The following REV3L variants were observed in gnomAD, a reference collection of about 807,000 sequenced individuals.
REV3L encodes the protein DNA polymerase zeta catalytic subunit.
REV3L carries 69 observed loss-of-function variants against 299.4 expected under a neutral mutation model. The ratio of observed to expected loss-of-function variants is 0.23; its 90% CI spans 0.19 to 0.28. The LOEUF is 0.28. Ranked by LOEUF, REV3L falls within the 10% of genes least tolerant of loss-of-function variation. REV3L has a pLI of 1.00. For missense variants in REV3L, 3,128 were observed against 3,693.8 expected, an observed-to-expected ratio of 0.85 and a Z score of 3.97; for synonymous variants, 1,238 against 1,271.4, an observed-to-expected ratio of 0.97 and a Z score of 0.56.
At chr6:111,391,688 T>C (rs1249703384) in intron 5 of REV3L, among the ~76,000 whole-genome samples, 2 of 152,212 alleles carry the variant, frequency 1.3e-5, no homozygotes, top group Non-Finnish European at 2.9e-5. Context: ...CAGCTTCGGC[T>C]TGGGAGGCCA....
chr6:111,313,489 C>A lies in REV3L; in HGVS notation c.8467G>T (p.Val2823Leu). The A allele has an allele frequency of 6.3e-7, 1 of 1,596,320 alleles. No homozygotes were observed. The highest frequency in any genetic ancestry group is 1.1e-5 in the South Asian group (1 of 86,960). The change falls in exon 28 of 32, where the codon GTA (valine) becomes TTA (leucine). Residue 2823 changes from valine to leucine, a missense_variant and splice_region_variant. Physicochemically the swap from Val to Leu is conservative, Grantham distance 32. Transcript: ENST00000368802. The part of the protein sequence containing the change: ...PKPVKLKFEK[V>L]YLPCVLQTKK... ...GTTTGTAAAACACAGGGCAAATATA[C>A]CTGTGGTAAAATTAATAAAATGCCT...
At position 111,390,144 on chromosome 6, in the gene REV3L, T is replaced by C. The variant is rs1447409014; in HGVS notation, c.699A>G (p.Thr233=). The change falls in exon 6 of 32, where the codon ACA becomes ACG. Residue 233 remains threonine (T), a synonymous_variant. Transcript: ENST00000368802. The part of the protein sequence containing the change: ...LILEGVEPQS[T]CELEVDAVAA... The stretch of plus-strand genomic sequence containing the variant: ...CTACAGCATCCACTTCTAATTCACA[T>C]GTACTCTGTGGTTCAACACCTTCCA... The C allele has an allele frequency of 1.9e-6, 3 of 1,610,574 alleles. No individual in the cohort carries two copies. Among genetic ancestry groups the C allele is most frequent in the Middle Eastern group, 1.7e-4 (1 of 6,036 alleles).
intron 19 of REV3L, 119 bp from the exon 20 acceptor site, chr6:111,349,455 C>A (rs1456501361): frequency 6.3e-6 from 3 of 478,578 alleles, no homozygotes; most frequent in South Asian, 5.8e-5. Context: ...ATATAATTCA[C>A]AATGTATGAA....
intron 1 of REV3L, among the ~76,000 whole-genome samples, chr6:111,470,703 G>A (rs1029716834): frequency 2.6e-5 from 4 of 152,212 alleles, no homozygotes; most frequent in African/African-American, 9.7e-5. Context: ...ATGCCGGGGT[G>A]TGGTGATGGC....
At chr6:111,360,849 TC>T (rs1385506543) in intron 16 of REV3L, 3 of 151,814 alleles carry the variant, frequency 2.0e-5, no homozygotes, top group African/African-American at 7.3e-5. Context: ...CAAATACAAA[TC>T]TACCACTTTC....
At chr6:111,405,407 T>C (rs1783519804) in intron 4 of REV3L, 63 bp downstream of exon 4, 10 of 1,190,880 alleles carry the variant, frequency 8.4e-6, no homozygotes, top group Non-Finnish European at 1.2e-5. Context: ...TCACTGACTA[T>C]ATAACACTTG....
At chr6:111,385,594 C>T (rs1296318114) in intron 9 of REV3L, among the ~76,000 whole-genome samples, 1 of 151,804 alleles carries the variant, frequency 6.6e-6, no homozygotes, top group Non-Finnish European at 1.5e-5. Flanking sequence ...GACATTAAAA[C>T]TGAAGACATG....
intron 3 of REV3L, among the ~76,000 whole-genome samples, chr6:111,408,190 G>A (rs1031436227): frequency 9.2e-5 from 14 of 152,260 alleles, no homozygotes; most frequent in South Asian, 2.1e-4. Flanking sequence ...TTTCTTTCAC[G>A]GAATAGGCAG....
At chr6:111,388,568 G>A (rs1361330108) in intron 7 of REV3L, among the ~76,000 whole-genome samples, 1 of 152,022 alleles carries the variant, frequency 6.6e-6, no homozygotes, top group Non-Finnish European at 1.5e-5. Context: ...TTTTAAAACT[G>A]TTGTATCCAT....
At chr6:111,322,097 AT>A (rs1358757565) in intron 26 of REV3L, among the ~76,000 whole-genome samples, 1 of 152,160 alleles carries the variant, frequency 6.6e-6, no homozygotes, top group East Asian at 1.9e-4. Flanking sequence ...GGAAAACTGT[AT>A]TTGCCTATAT....
intron 1 of REV3L, among the ~76,000 whole-genome samples, chr6:111,428,392 C>T (rs1309619810): frequency 6.6e-6 from 1 of 151,886 alleles, no homozygotes; most frequent in Non-Finnish European, 1.5e-5. Flanking sequence ...AAACAGAAAT[C>T]GAAATTGAGA....
chr6:111,435,164 T>C (rs1417335043), intron 1 of REV3L, among the ~76,000 whole-genome samples: 1 of 152,096 alleles, frequency 6.6e-6, no homozygotes. Flanking sequence ...TGTATGTAAT[T>C]GCACCACTGT....
At chr6:111,389,921 T>C (rs1236511982) in intron 6 of REV3L, among the ~76,000 whole-genome samples, 165 bp downstream of exon 6, 1 of 151,976 alleles carries the variant, frequency 6.6e-6, no homozygotes, top group Non-Finnish European at 1.5e-5. Flanking sequence ...TGTATTTTAG[T>C]AGAGACGGGG....
intron 1 of REV3L, among the ~76,000 whole-genome samples, chr6:111,448,125 C>G (rs1230734128): frequency 6.6e-6 from 1 of 152,086 alleles, no homozygotes. Context: ...GGTATAAGGA[C>G]TAGAGCTGAA....
intron 1 of REV3L, among the ~76,000 whole-genome samples, chr6:111,457,496 A>G (rs905924327): frequency 8.2e-6 from 1 of 121,466 alleles, no homozygotes; most frequent in Non-Finnish European, 2.1e-5. Context: ...TCATAAACTT[A>G]TATTTTACTA....
intron 27 of REV3L, among the ~76,000 whole-genome samples, chr6:111,314,299 CATTCTT>C (rs1267494947): frequency 1.3e-5 from 2 of 152,192 alleles, no homozygotes; most frequent in Non-Finnish European, 2.9e-5. Context: ...GTGACTTTGA[CATTCTT>C]CCTATTAATA....
chr6:111,466,271 G>A (rs1233211627), intron 1 of REV3L, among the ~76,000 whole-genome samples: 1 of 152,052 alleles, frequency 6.6e-6, no homozygotes, highest in Non-Finnish European at 1.5e-5. Flanking sequence ...TCATGAAGCT[G>A]GGATGTGCCA....
intron 3 of REV3L, among the ~76,000 whole-genome samples, chr6:111,406,368 GAAGT>G (rs889998299): frequency 6.6e-6 from 1 of 152,192 alleles, no homozygotes; most frequent in African/African-American, 2.4e-5. Flanking sequence ...GAAGTAATGA[GAAGT>G]AAGAGCATGA....
In REV3L at chr6:111,367,341, T is replaced by C. The variant is rs1779330166; in HGVS notation, c.6447A>G (p.Val2149=). The change falls in exon 14 of 32, where the codon GTA becomes GTG. Residue 2149 remains valine, a synonymous_variant. Coordinates refer to ENST00000368802, the MANE Select transcript of REV3L (RefSeq NM_001372078.1). ...LNGDDRPSSP[V]EELPSLAFEN... The stretch of plus-strand genomic sequence containing the variant: ...CAAAAGCCAATGAAGGCAGCTCCTC[T>C]ACTGGTGATGAGGGTCTATCATCTC... 1 of 1,607,506 alleles carries C rather than the reference T, an allele frequency of 6.2e-7. No individual in the cohort carries two copies. Among genetic ancestry groups the C allele is most frequent in the African/African-American group, 1.3e-5 (1 of 74,450 alleles).
Sources: allele counts gnomAD v4.1 joint callset (sites outside exome capture counted in the v4.1 genomes callset), GRCh38; gene constraint gnomAD v4.1.1; transcripts MANE v1.5; gene names NCBI Gene and HGNC (gene_info 2026-07-23, HGNC 2026-07-21).